The following IQCM variants were observed in gnomAD, a reference collection of about 807,000 sequenced individuals.
The protein encoded by IQCM is IQ domain-containing protein M.
A neutral mutation model predicts 57.6 loss-of-function variants in IQCM; 45 were observed. The observed-to-expected ratio is 0.78, with a 90% confidence interval of 0.62 to 1.00. The LOEUF (loss-of-function observed/expected upper bound fraction) is 1.00, where lower values mean the gene tolerates loss of function less well. IQCM is among the 50% of genes least tolerant of loss of function. The pLI is 0.00. For missense variants in IQCM, 468 were observed against 511.6 expected (o/e 0.91, Z 0.82); for synonymous variants, 148 against 158.9 (o/e 0.93, Z 0.51).
At chr4:149,724,496 C>A (rs541915552) in intron 5 of IQCM, among the ~76,000 whole-genome samples, 7 of 151,902 alleles carry the variant, frequency 4.6e-5, no homozygotes, top group Non-Finnish European at 1.0e-4. Context: ...CACACATACA[C>A]GTACACTCAT....
intron 8 of IQCM, among the ~76,000 whole-genome samples, chr4:149,602,527 T>C (rs1027339431): frequency 2.0e-5 from 3 of 152,172 alleles, no homozygotes; most frequent in Non-Finnish European, 4.4e-5. Flanking sequence ...ATGGCCTTCT[T>C]ATTACAAACA....
intron 12 of IQCM, among the ~76,000 whole-genome samples, chr4:149,541,930 T>C (rs567027500): frequency 2.6e-5 from 4 of 152,246 alleles, no homozygotes; most frequent in South Asian, 4.1e-4. Flanking sequence ...GGAGCTATTA[T>C]ACACAATCAA....
intron 13 of IQCM, among the ~76,000 whole-genome samples, chr4:149,353,090 TAAC>T (rs1728688908): frequency 6.6e-6 from 1 of 152,110 alleles, no homozygotes; most frequent in Non-Finnish European, 1.5e-5. Flanking sequence ...CAAGGCCTTA[TAAC>T]AACAAGATTA....
intron 12 of IQCM, among the ~76,000 whole-genome samples, chr4:149,458,763 G>A (rs996707467): frequency 1.3e-5 from 2 of 152,042 alleles, no homozygotes; most frequent in Non-Finnish European, 2.9e-5. Context: ...TCTCCATGTG[G>A]TGAGGAATAG....
At chr4:149,391,331 A>C (rs552967150) in intron 13 of IQCM, among the ~76,000 whole-genome samples, 1 of 151,952 alleles carries the variant, frequency 6.6e-6, no homozygotes, top group Non-Finnish European at 1.5e-5. Flanking sequence ...TATAAGGTCA[A>C]TAACAATAGC....
At chr4:149,377,467 T>C (rs1730777888) in intron 13 of IQCM, among the ~76,000 whole-genome samples, 1 of 152,210 alleles carries the variant, frequency 6.6e-6, no homozygotes, top group Non-Finnish European at 1.5e-5. Context: ...TTCTTCTCAA[T>C]ATTTAGAGAT....
At chr4:149,635,606 G>A (rs571316773) in intron 7 of IQCM, among the ~76,000 whole-genome samples, 1 of 152,088 alleles carries the variant, frequency 6.6e-6, no homozygotes, top group South Asian at 2.1e-4. Context: ...TCTGAAAATA[G>A]CTTATCATTA....
intron 13 of IQCM, among the ~76,000 whole-genome samples, chr4:149,397,075 T>C (rs979951871): frequency 9.9e-5 from 15 of 152,034 alleles, no homozygotes; most frequent in African/African-American, 3.6e-4. Context: ...ATAGGATTGC[T>C]GAATCATGTA....
chr4:149,789,880 G>C (rs2150027000), intron 2 of IQCM: 1 of 179,402 alleles, frequency 5.6e-6, no homozygotes, highest in South Asian at 1.5e-4. Context: ...CTCCAGCCTG[G>C]GTGACAGAGT....
intron 8 of IQCM, among the ~76,000 whole-genome samples, chr4:149,606,860 C>G (rs1754829418): frequency 6.6e-6 from 1 of 151,660 alleles, no homozygotes; most frequent in East Asian, 1.9e-4. Context: ...TCAAAGTACA[C>G]AAAAGAGAAA....
chr4:149,359,392 T>A (rs957491227), intron 13 of IQCM, among the ~76,000 whole-genome samples: 1 of 152,204 alleles, frequency 6.6e-6, no homozygotes, highest in Non-Finnish European at 1.5e-5. Flanking sequence ...TTTAGCCTTA[T>A]ATTTTTTGCT....
At chr4:149,557,040 C>G (rs879269775) in intron 10 of IQCM, among the ~76,000 whole-genome samples, 5 of 152,158 alleles carry the variant, frequency 3.3e-5, no homozygotes, top group African/African-American at 1.2e-4. Context: ...ATTGTTTTCT[C>G]CCAGTGTACT....
rs542836927 is a variant in IQCM, at chr4:149,814,844, AG to A, written c.-49+466del. ...CCACTCTGGAGTATGAATCATATAC[AG>A]TTAAAAGCTAGGATTTTTCTCATGC... On this transcript the variant is annotated intron_variant, in intron 2 of 13. Transcript: ENST00000636793. 2.1e-4 allele frequency among the ~76,000 whole-genome samples: 32 copies of A among 152,130 alleles called. No homozygotes were observed. The South Asian group carries it at 6.6e-3, about 31-fold the overall frequency.
intron 13 of IQCM, among the ~76,000 whole-genome samples, chr4:149,417,892 A>G (rs1733859329): frequency 6.6e-6 from 1 of 150,470 alleles, no homozygotes. Flanking sequence ...GAATTTATCC[A>G]CAGCAATTGT....
intron 2 of IQCM, among the ~76,000 whole-genome samples, chr4:149,750,577 G>A (rs1223200596): frequency 2.0e-5 from 3 of 152,138 alleles, no homozygotes; most frequent in African/African-American, 4.8e-5. Flanking sequence ...AATACATGCA[G>A]TTATGCCTTC....
At chr4:149,592,505 T>C (rs1753296941) in intron 8 of IQCM, among the ~76,000 whole-genome samples, 1 of 152,016 alleles carries the variant, frequency 6.6e-6, no homozygotes, top group South Asian at 2.1e-4. Flanking sequence ...CCATTGCTTT[T>C]GGTGTTTTAG....
At chr4:149,427,903 C>T (rs1334918430) in intron 13 of IQCM, among the ~76,000 whole-genome samples, 1 of 151,770 alleles carries the variant, frequency 6.6e-6, no homozygotes, top group Non-Finnish European at 1.5e-5. Flanking sequence ...TTTTCAAGTC[C>T]TATTTGGCAT....
intron 7 of IQCM, among the ~76,000 whole-genome samples, chr4:149,673,384 C>T (rs899450199): frequency 8.6e-5 from 13 of 151,906 alleles, no homozygotes; most frequent in African/African-American, 2.2e-4. Flanking sequence ...ACCCATCTCA[C>T]GTGCAGAGAC....
chr4:149,627,417 T>A (rs1026878429), intron 7 of IQCM, among the ~76,000 whole-genome samples: 2 of 152,168 alleles, frequency 1.3e-5, no homozygotes, highest in Admixed American at 6.5e-5. Context: ...AATTTCTCCT[T>A]ATCTGGGGCA....
Sources: gnomAD v4.1 joint callset for allele counts (sites outside exome capture counted in the v4.1 genomes callset) on GRCh38, gnomAD v4.1.1 for gene constraint, MANE v1.5 for transcripts, NCBI Gene and HGNC (gene_info 2026-07-23, HGNC 2026-07-21) for gene names.